The following REEP1 variants were observed in gnomAD, a reference collection of about 807,000 sequenced individuals.
The protein encoded by REEP1 is receptor accessory protein 1.
Under a neutral mutation model 40.3 loss-of-function variants are expected in REEP1, and 22 were observed. The ratio of observed to expected loss-of-function variants is 0.55; its 90% CI spans 0.39 to 0.78. The LOEUF (loss-of-function observed/expected upper bound fraction) is 0.78, where lower values mean the gene tolerates loss of function less well. Ranked by LOEUF, REEP1 falls within the 30% of genes least tolerant of loss-of-function variation. REEP1 has a pLI of 0.00. For synonymous variants in REEP1, 116 were observed against 139.2 expected (o/e 0.83, Z 1.17); for missense variants, 280 against 361.1 (o/e 0.78, Z 1.82).
At chr2:86,219,776 G>C (rs1674321924) in intron 8 of REEP1, among the ~76,000 whole-genome samples, 194 bp downstream of exon 8, 1 of 152,118 alleles carries the variant, frequency 6.6e-6, no homozygotes. Context: ...AAATTAATAG[G>C]ATTTCCTCTC....
At chr2:86,247,263 G>A (rs1676020501) in intron 5 of REEP1, among the ~76,000 whole-genome samples, 1 of 152,134 alleles carries the variant, frequency 6.6e-6, no homozygotes. Flanking sequence ...AAAGAAAGAT[G>A]CATCAACACT....
chr2:86,272,494 T>C (rs933503609), intron 2 of REEP1, among the ~76,000 whole-genome samples: 8 of 152,336 alleles, frequency 5.3e-5, no homozygotes, highest in African/African-American at 1.9e-4. Context: ...AACACTACAA[T>C]TGTCCTGGTT....
chr2:86,305,429 T>A (rs1466024968), intron 1 of REEP1, among the ~76,000 whole-genome samples: 3 of 152,252 alleles, frequency 2.0e-5, no homozygotes, highest in Non-Finnish European at 4.4e-5. Flanking sequence ...TCAGCCCAGC[T>A]GCTCTCCTGT....
At chr2:86,261,008 C>T (rs1309606257) in intron 3 of REEP1, among the ~76,000 whole-genome samples, 1 of 152,090 alleles carries the variant, frequency 6.6e-6, no homozygotes, top group Non-Finnish European at 1.5e-5. Flanking sequence ...AGATATGAAA[C>T]TCTAAAATTC....
At chr2:86,283,862 C>T (rs975302159) in intron 1 of REEP1, among the ~76,000 whole-genome samples, 3 of 152,156 alleles carry the variant, frequency 2.0e-5, no homozygotes, top group Non-Finnish European at 2.9e-5. Context: ...GGAGCCCAGC[C>T]AGGCCAGCCT....
chr2:86,329,871 G>A (rs902398565), intron 1 of REEP1, among the ~76,000 whole-genome samples: 2 of 152,112 alleles, frequency 1.3e-5, no homozygotes, highest in African/African-American at 4.8e-5. Flanking sequence ...GGATATCAAC[G>A]CACAGACCAC....
intron 5 of REEP1, among the ~76,000 whole-genome samples, chr2:86,242,958 A>G (rs972872951): frequency 2.0e-5 from 3 of 152,172 alleles, no homozygotes; most frequent in Non-Finnish European, 4.4e-5. Flanking sequence ...TTTCATTATC[A>G]TCAGAATGGT....
chr2:86,222,319 C>A (rs1437396691), intron 7 of REEP1, among the ~76,000 whole-genome samples: 1 of 152,148 alleles, frequency 6.6e-6, no homozygotes, highest in Non-Finnish European at 1.5e-5. Flanking sequence ...GGAATAGAAA[C>A]AAGTGCTCAG....
chr2:86,220,757 A>G (rs757789520), intron 7 of REEP1, among the ~76,000 whole-genome samples: 4 of 151,900 alleles, frequency 2.6e-5, no homozygotes, highest in Non-Finnish European at 4.4e-5. Context: ...AAACCTAAGG[A>G]AGGAGAATCT....
intron 1 of REEP1, among the ~76,000 whole-genome samples, chr2:86,333,857 G>C (rs1347840852): frequency 1.3e-5 from 2 of 152,246 alleles, no homozygotes; most frequent in Non-Finnish European, 2.9e-5. Flanking sequence ...CTATTGCACT[G>C]AGTATCTCTT....
chr2:86,327,950 G>A (rs1013878337), intron 1 of REEP1, among the ~76,000 whole-genome samples: 4 of 152,180 alleles, frequency 2.6e-5, no homozygotes, highest in African/African-American at 7.2e-5. Context: ...TGGTCCAGGA[G>A]AGCAACAGTA....
intron 1 of REEP1, among the ~76,000 whole-genome samples, chr2:86,293,574 T>G (rs149684666): frequency 6.6e-6 from 1 of 152,354 alleles, no homozygotes; most frequent in South Asian, 2.1e-4. Context: ...AGGGTGAATT[T>G]CACTGTGTGC....
intron 6 of REEP1, among the ~76,000 whole-genome samples, chr2:86,227,988 A>G (rs1372829073): frequency 6.6e-6 from 1 of 152,204 alleles, no homozygotes; most frequent in Non-Finnish European, 1.5e-5. Context: ...GGCATTCAGC[A>G]TATGGTATCT....
At chr2:86,285,509 G>C (rs901664523) in intron 1 of REEP1, among the ~76,000 whole-genome samples, 1 of 152,114 alleles carries the variant, frequency 6.6e-6, no homozygotes, top group African/African-American at 2.4e-5. Flanking sequence ...CAAATACATA[G>C]GGAAAAAGAA....
chr2:86,227,957 A>T (rs1674805477), intron 6 of REEP1, among the ~76,000 whole-genome samples: 1 of 152,106 alleles, frequency 6.6e-6, no homozygotes, highest in Non-Finnish European at 1.5e-5. Context: ...TTTCTTGTAC[A>T]CTTCCTGGTG....
At position 86,220,119 on chromosome 2, in the gene REEP1, C is replaced by T; in HGVS notation, c.634G>A (p.Val212Ile). ...CCACCCTCATTCACATCTCCCTCAA[C>T]CACTTAATGTCCATTTACAATCTAC... The part of the protein sequence containing the change: ...CCSTCRTWKV[V>I]EGDVNEGGMK... The change falls in exon 8 of 9, where the codon GTT becomes ATT. Residue 212 changes from valine to isoleucine, a missense_variant and splice_region_variant. Transcript: ENST00000538924. 8.1e-7 allele frequency: 1 copy of T among 1,230,184 alleles called. No individual in the cohort carries two copies. The highest frequency in any genetic ancestry group is 1.0e-6 in the Non-Finnish European group (1 of 987,202). The allele number at this position is 1,230,184 out of a possible 1,614,324, so 76.2% of individuals were successfully genotyped here.
intron 1 of REEP1, among the ~76,000 whole-genome samples, chr2:86,323,699 A>G (rs1680374412): frequency 6.6e-6 from 1 of 152,236 alleles, no homozygotes; most frequent in Non-Finnish European, 1.5e-5. Flanking sequence ...GCTGGGGACC[A>G]CTGCACTAAG....
At chr2:86,275,743 T>A (rs1677725235) in intron 2 of REEP1, among the ~76,000 whole-genome samples, 1 of 152,222 alleles carries the variant, frequency 6.6e-6, no homozygotes, top group Non-Finnish European at 1.5e-5. Context: ...ACAAAGCATG[T>A]GACTCTCCTA....
intron 5 of REEP1, among the ~76,000 whole-genome samples, chr2:86,250,466 T>C (rs1293950735): frequency 6.6e-6 from 1 of 152,186 alleles, no homozygotes; most frequent in Non-Finnish European, 1.5e-5. Context: ...CATAAAATGG[T>C]TGCATCTCAA....
Sources: allele counts gnomAD v4.1 joint callset (sites outside exome capture counted in the v4.1 genomes callset), GRCh38; gene constraint gnomAD v4.1.1; transcripts MANE v1.5; gene names NCBI Gene and HGNC (gene_info 2026-07-23, HGNC 2026-07-21).